Variants in MBOAT1 observed in about 807,000 individuals in gnomAD.
MBOAT1 encodes the protein membrane-bound glycerophospholipid O-acyltransferase 1.
A neutral mutation model predicts 64.4 loss-of-function variants in MBOAT1; 67 were observed. That is an observed-to-expected ratio of 1.04 (90% CI 0.85 to 1.27). MBOAT1 has a LOEUF of 1.27. MBOAT1 is among the 50% of genes most tolerant of loss of function. The probability of loss-of-function intolerance (pLI) is 0.00; values close to 1 mark genes in which losing one functional copy is unlikely to be tolerated. For synonymous variants in MBOAT1, 229 were observed against 218.9 expected, an observed-to-expected ratio of 1.05 and a Z score of -0.41; for missense variants, 563 against 604.6, an observed-to-expected ratio of 0.93 and a Z score of 0.72.
At chr6:20,123,927 G>A (rs767421411) in intron 8 of MBOAT1, among the ~76,000 whole-genome samples, 2 of 152,086 alleles carry the variant, frequency 1.3e-5, no homozygotes, top group Non-Finnish European at 2.9e-5. Flanking sequence ...GTGTGGTGGC[G>A]GACGCCTGTA....
intron 8 of MBOAT1, among the ~76,000 whole-genome samples, chr6:20,123,785 G>A (rs1049344935): frequency 8.5e-5 from 13 of 152,174 alleles, no homozygotes; most frequent in Admixed American, 4.6e-4. Context: ...GGCTGGGCGT[G>A]GTGGCTCACA....
At chr6:20,107,213 A>G (rs895741292) in intron 12 of MBOAT1, among the ~76,000 whole-genome samples, 4 of 152,112 alleles carry the variant, frequency 2.6e-5, no homozygotes, top group African/African-American at 9.7e-5. Context: ...GGACACTGAT[A>G]CCTACCCCAC....
At chr6:20,188,838 A>G (rs1028954151) in intron 1 of MBOAT1, among the ~76,000 whole-genome samples, 11 of 152,120 alleles carry the variant, frequency 7.2e-5, no homozygotes, top group Non-Finnish European at 1.3e-4. Context: ...GGCATGTCTT[A>G]GGCAAGCCCC....
intron 4 of MBOAT1, among the ~76,000 whole-genome samples, chr6:20,135,295 T>C (rs1284073815): frequency 1.3e-5 from 2 of 152,054 alleles, no homozygotes; most frequent in African/African-American, 2.4e-5. Context: ...CAATGAAATA[T>C]AATAGAATAG....
intron 4 of MBOAT1, among the ~76,000 whole-genome samples, chr6:20,141,799 C>T (rs944046222): frequency 3.3e-5 from 5 of 151,860 alleles, no homozygotes; most frequent in African/African-American, 4.8e-5. Flanking sequence ...AGGGTGGTGG[C>T]GGTGGGCATG....
At chr6:20,174,015 A>T (rs1762273377) in intron 1 of MBOAT1, among the ~76,000 whole-genome samples, 1 of 152,182 alleles carries the variant, frequency 6.6e-6, no homozygotes, top group African/African-American at 2.4e-5. Flanking sequence ...TGAAGAGGAA[A>T]GACAAAAAGG....
chr6:20,152,362 TA>T (rs1401137843), intron 2 of MBOAT1, among the ~76,000 whole-genome samples: 1,995 of 143,050 alleles, frequency 0.014, 31 homozygotes, highest in African/African-American at 0.041. Context: ...AATAAATAAA[TA>T]AATTAATTAA....
chr6:20,123,636 C>T (rs1760557362), intron 8 of MBOAT1, among the ~76,000 whole-genome samples: 1 of 151,844 alleles, frequency 6.6e-6, no homozygotes, highest in African/African-American at 2.4e-5. Flanking sequence ...TTGAAGTCAG[C>T]TTCTTTCTAA....
chr6:20,128,842 C>G, intron 5 of MBOAT1, 89 bp from the exon 6 acceptor site: 1 of 896,282 alleles, frequency 1.1e-6, no homozygotes, highest in Non-Finnish European at 1.7e-6. Flanking sequence ...TCATTTGAAC[C>G]AGGTAATCTT....
chr6:20,199,477 A>T (rs1763058184), intron 1 of MBOAT1, among the ~76,000 whole-genome samples: 1 of 152,220 alleles, frequency 6.6e-6, no homozygotes, highest in Non-Finnish European at 1.5e-5. Context: ...GGTAAACTTT[A>T]ACTCAACAAG....
chr6:20,200,015 T>G (rs989777570), intron 1 of MBOAT1, among the ~76,000 whole-genome samples: 1 of 152,230 alleles, frequency 6.6e-6, no homozygotes, highest in Admixed American at 6.5e-5. Context: ...TTAACATTTA[T>G]TGTATGGGGA....
chr6:20,163,047 T>C (rs1761908218), intron 1 of MBOAT1, among the ~76,000 whole-genome samples: 1 of 152,228 alleles, frequency 6.6e-6, no homozygotes, highest in Non-Finnish European at 1.5e-5. Flanking sequence ...TTAGTTATGA[T>C]TTAGAACGAA....
intron 9 of MBOAT1, 104 bp from the exon 10 acceptor site, chr6:20,115,456 T>C (rs1760292079): frequency 2.4e-6 from 2 of 851,060 alleles, no homozygotes; most frequent in East Asian, 2.5e-5. Flanking sequence ...TGTATTTCAA[T>C]AGTGACTGCT....
At chr6:20,153,091 C>T (rs1249943606) in intron 1 of MBOAT1, among the ~76,000 whole-genome samples, 2 of 152,208 alleles carry the variant, frequency 1.3e-5, no homozygotes, top group Non-Finnish European at 2.9e-5. Context: ...GCCTCGGCCT[C>T]CCAAAGTGCT....
intron 1 of MBOAT1, among the ~76,000 whole-genome samples, chr6:20,205,951 G>A (rs1279052509): frequency 4.0e-5 from 6 of 151,894 alleles, no homozygotes; most frequent in Admixed American, 3.9e-4. Context: ...ACCCTCACTC[G>A]CGGCTCGCAA....
chr6:20,101,583 T>C lies in MBOAT1; in HGVS notation c.*703A>G, dbSNP rs1759787299. Among the ~76,000 whole-genome samples the C allele has an allele frequency of 6.6e-6, 1 of 152,192 alleles. No homozygotes were observed. Among genetic ancestry groups the C allele is most frequent in the Admixed American group, 6.5e-5 (1 of 15,280 alleles). ...TGAGTATATTCTGATTTGAGAAACC[T>C]GTGACAAGTCTTCTCAGCACTCGCC... is the stretch of plus-strand genomic sequence containing the variant. On this transcript the variant is annotated 3_prime_UTR_variant, in exon 13 of 13. Coordinates refer to ENST00000324607, the MANE Select transcript of MBOAT1 (RefSeq NM_001080480.3).
intron 1 of MBOAT1, among the ~76,000 whole-genome samples, chr6:20,188,201 C>A (rs1283401471): frequency 3.3e-5 from 5 of 152,174 alleles, no homozygotes; most frequent in African/African-American, 1.2e-4. Context: ...TGCATACACA[C>A]ACATAAAAGC....
chr6:20,119,746 A>G (rs2457331), intron 8 of MBOAT1, among the ~76,000 whole-genome samples: 2,691 of 152,298 alleles, frequency 0.018, 84 homozygotes, highest in African/African-American at 0.06. Context: ...AAAAAGACAA[A>G]CAAAGTGAGG....
chr6:20,208,165 C>T (rs892432478), intron 1 of MBOAT1, among the ~76,000 whole-genome samples: 52 of 151,876 alleles, frequency 3.4e-4, no homozygotes, highest in African/African-American at 1.1e-3. Flanking sequence ...ACTTTGTAGT[C>T]GGCCGGGCGT....
Sources: gnomAD v4.1 joint callset for allele counts (sites outside exome capture counted in the v4.1 genomes callset) on GRCh38, gnomAD v4.1.1 for gene constraint, MANE v1.5 for transcripts, NCBI Gene and HGNC (gene_info 2026-07-23, HGNC 2026-07-21) for gene names.